ZFP62: variants seen among roughly 807,000 people sequenced by gnomAD.
ZFP62 encodes zinc finger protein 62 homolog.
A neutral mutation model predicts 56.4 loss-of-function variants in ZFP62; 44 were observed. The observed-to-expected ratio is 0.78, with a 90% CI of 0.61 to 1.00. The LOEUF is 1.00. Ranked by LOEUF, ZFP62 falls within the 50% of genes least tolerant of loss-of-function variation. The probability of loss-of-function intolerance (pLI) is 0.00; values close to 1 mark genes in which losing one functional copy is unlikely to be tolerated. For synonymous variants in ZFP62, 421 were observed against 388.9 expected, an observed-to-expected ratio of 1.08 and a Z score of -0.97; for missense variants, 1,030 against 1,085.7, an observed-to-expected ratio of 0.95 and a Z score of 0.72.
chr5:180,842,683 G>T (rs996163601), downstream of ZFP62, among the ~76,000 whole-genome samples: 2 of 152,170 alleles, frequency 1.3e-5, no homozygotes, highest in Non-Finnish European at 2.9e-5. Flanking sequence ...GTATTCTAAA[G>T]AAAGTTTTCT....
chr5:180,858,899 A>G (rs1459573430), intron 1 of ZFP62, among the ~76,000 whole-genome samples: 1 of 152,206 alleles, frequency 6.6e-6, no homozygotes, highest in Non-Finnish European at 1.5e-5. Flanking sequence ...TGGTTACATC[A>G]GCCAAAAGCG....
chr5:180,849,805 C>A lies in ZFP62; in HGVS notation c.1690G>T (p.Glu564Ter). 6.4e-7 allele frequency: 1 copy of A among 1,551,980 alleles called. No homozygotes were observed. The highest frequency in any genetic ancestry group is 8.7e-7 in the Non-Finnish European group (1 of 1,147,098). The part of the protein sequence containing the change: ...IHTGERPYKC[E>*]ECGKAYISLS... Reference sequence around the variant, plus strand: ...GAGATGTATGCTTTCCCACATTCTTCACATTTGTAAGGTCGTTCCCCAGTG... The same window carrying A: ...GAGATGTATGCTTTCCCACATTCTTAACATTTGTAAGGTCGTTCCCCAGTG... The change falls in exon 2 of 2, where the codon GAA becomes TAA. Residue 564 changes from glutamate to a stop codon, truncating the protein, a stop_gained. Transcript: ENST00000502412. LOFTEE classifies it high-confidence loss of function.
chr5:180,827,420 C>T, the ZFP62 span, among the ~76,000 whole-genome samples: 81 of 152,320 alleles, frequency 5.3e-4, no homozygotes, highest in Middle Eastern at 6.8e-3. Context: ...CTCCCTGAAA[C>T]GTGTGCTGTG....
chr5:180,840,678 C>T, the ZFP62 span, among the ~76,000 whole-genome samples: 1 of 151,998 alleles, frequency 6.6e-6, no homozygotes, highest in Non-Finnish European at 1.5e-5. Flanking sequence ...ATCGCTTGAA[C>T]CCTGGAGGTG....
intron 1 of ZFP62, among the ~76,000 whole-genome samples, chr5:180,854,724 G>A (rs1773883637): frequency 6.6e-6 from 1 of 152,194 alleles, no homozygotes; most frequent in Non-Finnish European, 1.5e-5. Flanking sequence ...TACATGAACT[G>A]AATCACCAGG....
intron 1 of ZFP62, among the ~76,000 whole-genome samples, chr5:180,855,770 G>A (rs1425834497): frequency 1.3e-5 from 2 of 152,134 alleles, no homozygotes; most frequent in Admixed American, 1.3e-4. Context: ...TTACTGCTAA[G>A]GCCTTAGTTT....
rs1773466375 is a variant in ZFP62 at position 180,847,844 on chromosome 5, T to C, written c.*948A>G. ...CCTTCTCTCTAGATGACTGGTACTT[T>C]AGCTTTTTAGCTTCTGCAATAAAAT... On this transcript the variant is annotated 3_prime_UTR_variant, in exon 2 of 2. Transcript: ENST00000502412. 1.0e-6 allele frequency: 1 copy of C among 985,464 alleles called. No individual in the cohort carries two copies. The highest frequency in any genetic ancestry group is 1.2e-6 in the Non-Finnish European group (1 of 829,934). The allele number at this position is 985,464 out of a possible 1,614,324, so 61.0% of individuals were successfully genotyped here. A position where few individuals can be genotyped will look rare whatever the true frequency, so the allele number is the denominator to read the frequency against.
chr5:180,851,066 A>C lies in ZFP62; in HGVS notation c.429T>G (p.Cys143Trp). The C allele has an allele frequency of 6.4e-7, 1 of 1,551,730 alleles. No individual in the cohort carries two copies. Among genetic ancestry groups the C allele is most frequent in the South Asian group, 1.2e-5 (1 of 84,066 alleles). Residue 143 changes from cysteine to tryptophan, a missense_variant, in exon 2 of 2, where the codon TGT becomes TGG. Physicochemically the swap from Cys to Trp is radical, Grantham distance 215. Coordinates refer to ENST00000502412, the MANE Select transcript of ZFP62 (RefSeq NM_001172638.2). The part of the protein sequence containing the change: ...KTNAVKKLHK[C>W]DECGKSFKYN... Reference sequence around the variant, plus strand: ...ATTTGAAGGATTTCCCACATTCATCACATTTATGTAATTTCTTAACAGCAT... The same window carrying C: ...ATTTGAAGGATTTCCCACATTCATCCCATTTATGTAATTTCTTAACAGCAT...
At chr5:180,856,583 T>C (rs1773985462) in intron 1 of ZFP62, among the ~76,000 whole-genome samples, 1 of 152,054 alleles carries the variant, frequency 6.6e-6, no homozygotes, top group Non-Finnish European at 1.5e-5. Flanking sequence ...TCCAAAGACA[T>C]GGATATGACA....
At chr5:180,832,457 A>G in the ZFP62 span, among the ~76,000 whole-genome samples, 1 of 152,206 alleles carries the variant, frequency 6.6e-6, no homozygotes, top group Admixed American at 6.5e-5. Flanking sequence ...CTGGGCTTCC[A>G]TTTCTGATTT....
the ZFP62 span, among the ~76,000 whole-genome samples, chr5:180,829,051 C>T: frequency 6.6e-6 from 1 of 152,184 alleles, no homozygotes; most frequent in Non-Finnish European, 1.5e-5. Flanking sequence ...TTTGGTCAGA[C>T]CGGTTCTCTG....
the ZFP62 span, among the ~76,000 whole-genome samples, chr5:180,842,518 G>C: frequency 1.3e-5 from 2 of 152,218 alleles, no homozygotes; most frequent in African/African-American, 4.8e-5. Context: ...TGAACAGCCA[G>C]AGTGGAAATC....
the ZFP62 span, among the ~76,000 whole-genome samples, chr5:180,829,562 T>A: frequency 3.0e-3 from 464 of 152,356 alleles, 9 homozygotes; most frequent in African/African-American, 0.011. Flanking sequence ...AAAGAACCTA[T>A]GTTGAAATAT....
At chr5:180,841,385 C>T in the ZFP62 span, among the ~76,000 whole-genome samples, 9 of 151,550 alleles carry the variant, frequency 5.9e-5, no homozygotes, top group Non-Finnish European at 1.3e-4. Flanking sequence ...TTTTCTTTCC[C>T]AGTTTGGATT....
intron 1 of ZFP62, chr5:180,852,025 G>C (rs1448489033): frequency 1.0e-6 from 1 of 986,518 alleles, no homozygotes; most frequent in Non-Finnish European, 1.2e-6. Flanking sequence ...ATGAAACCAT[G>C]AAGACAGTTA....
chr5:180,851,808 A>C lies in ZFP62; in HGVS notation c.2-315T>G, dbSNP rs570277064. Among the ~76,000 whole-genome samples, 21 of 152,372 alleles carry C rather than the reference A, an allele frequency of 1.4e-4. No homozygotes were observed. In the South Asian group the frequency reaches 2.9e-3, roughly 21 times the overall value. Reference sequence around the variant, plus strand: ...GATGCACAGAACCATGGGCAACACCAATCAGTTTTTAAACAATGTCACCCA... The same window carrying C: ...GATGCACAGAACCATGGGCAACACCCATCAGTTTTTAAACAATGTCACCCA... On this transcript the variant is annotated intron_variant, in intron 1 of 1. Transcript: ENST00000502412.
At chr5:180,854,714 T>C (rs1773883171) in intron 1 of ZFP62, among the ~76,000 whole-genome samples, 1 of 152,210 alleles carries the variant, frequency 6.6e-6, no homozygotes, top group Non-Finnish European at 1.5e-5. Flanking sequence ...GAGAATGCAT[T>C]ACATGAACTG....
At chr5:180,832,381 G>C in the ZFP62 span, among the ~76,000 whole-genome samples, 1 of 152,168 alleles carries the variant, frequency 6.6e-6, no homozygotes, top group South Asian at 2.1e-4. Context: ...TGAAACTCCT[G>C]TGCCCCAGCA....
At chr5:180,833,765 G>C in the ZFP62 span, among the ~76,000 whole-genome samples, 1 of 151,514 alleles carries the variant, frequency 6.6e-6, no homozygotes, top group Non-Finnish European at 1.5e-5. Flanking sequence ...CTGCCTCCCG[G>C]GTTCAAGCGA....
Sources: gnomAD v4.1 joint callset for allele counts (sites outside exome capture counted in the v4.1 genomes callset) on GRCh38, gnomAD v4.1.1 for gene constraint, MANE v1.5 for transcripts, NCBI Gene and HGNC (gene_info 2026-07-23, HGNC 2026-07-21) for gene names.